Variants in GCNT2 observed in about 807,000 individuals in gnomAD.
The protein encoded by GCNT2 is N-acetyllactosaminide beta-1,6-N-acetylglucosaminyl-transferase.
In GCNT2, 34 loss-of-function variants were observed where a neutral mutation model predicts 34.2. That is an observed-to-expected ratio of 1.00 (90% CI 0.76 to 1.32). The LOEUF (loss-of-function observed/expected upper bound fraction) is 1.32. Ranked by LOEUF, GCNT2 falls within the 40% of genes most tolerant of loss-of-function variation. GCNT2 has a pLI of 0.00. For missense variants in GCNT2, 584 were observed against 489.4 expected, an observed-to-expected ratio of 1.19 and a Z score of -1.82; for synonymous variants, 212 against 188.0, an observed-to-expected ratio of 1.13 and a Z score of -1.04.
Position 10,626,404 on chromosome 6 carries a change from C to G in GCNT2, c.1019-13C>G, listed in dbSNP as rs769588229. ...GCATGTTTTGACTCTGTTTCTTGTT[C>G]TTTCTTTTGCAGGCCACTATGTACA... On this transcript the variant is annotated splice_polypyrimidine_tract_variant and intron_variant, in intron 4 of 4. Coordinates refer to ENST00000495262, the MANE Select transcript of GCNT2 (RefSeq NM_145649.5). 3.1e-6 allele frequency: 5 copies of G among 1,600,260 alleles called. No homozygotes were observed. The highest frequency in any genetic ancestry group is 1.7e-4 in the Middle Eastern group (1 of 6,054).
chr6:10,628,561 A>G lies in GCNT2; in HGVS notation c.*1954A>G, dbSNP rs1766363088. The stretch of plus-strand genomic sequence containing the variant: ...ACTAAGGTGACCAGAGTGGGCTCCA[A>G]GCACAAACTGCCATTGGCTATAGAT... On this transcript the variant is annotated 3_prime_UTR_variant, in exon 5 of 5. Transcript: ENST00000495262. The G allele has an allele frequency of 6.6e-6, 1 of 152,252 alleles. No individual in the cohort carries two copies. The highest frequency in any genetic ancestry group is 6.5e-5 in the Admixed American group (1 of 15,282). The allele number at this position is 152,252 out of a possible 1,614,324, so 9.4% of individuals were successfully genotyped here. A position where few individuals can be genotyped will look rare whatever the true frequency, so the allele number is the denominator to read the frequency against.
intron 3 of GCNT2, chr6:10,557,270 GA>G: frequency 6.2e-7 from 1 of 1,612,584 alleles, no homozygotes. Flanking sequence ...ACGGGCTGTT[GA>G]TTTGCTCCAG....
At position 10,626,651 on chromosome 6, in the gene GCNT2, GA is replaced by G; in HGVS notation, c.*46del. 1 of 1,436,386 alleles carries G rather than the reference GA, an allele frequency of 7.0e-7. No homozygotes were observed. Among genetic ancestry groups the G allele is most frequent in the Non-Finnish European group, 9.8e-7 (1 of 1,018,644 alleles). The allele number at this position is 1,436,386 out of a possible 1,614,324, so 89.0% of individuals were successfully genotyped here. A position where few individuals can be genotyped will look rare whatever the true frequency, so the allele number is the denominator to read the frequency against. On this transcript the variant is annotated 3_prime_UTR_variant, in exon 5 of 5. Coordinates refer to ENST00000495262, the MANE Select transcript of GCNT2 (RefSeq NM_145649.5). ...ATGACTGAAGGGAAACTGCAGCTGG[GA>G]AGAGGAGCCTGTTTTTGTGAGAGAC...
intron 3 of GCNT2, among the ~76,000 whole-genome samples, chr6:10,582,329 T>C (rs1581441770): frequency 9.1e-6 from 1 of 109,966 alleles, no homozygotes; most frequent in Non-Finnish European, 1.6e-5. Flanking sequence ...TTAAATATAA[T>C]ATATACTATA....
At chr6:10,590,397 C>CAAA (rs35949177) in intron 3 of GCNT2, among the ~76,000 whole-genome samples, 2 of 112,906 alleles carry the variant, frequency 1.8e-5, no homozygotes, top group African/African-American at 6.4e-5. Context: ...GACTCTGTCT[C>CAAA]AAAAAAAAAA....
chr6:10,586,626 A>G (rs767496381), intron 3 of GCNT2: 1 of 1,614,178 alleles, frequency 6.2e-7, no homozygotes, highest in Non-Finnish European at 8.5e-7. Context: ...ATTTAAAGGG[A>G]AAAATATCAC....
intron 3 of GCNT2, among the ~76,000 whole-genome samples, chr6:10,598,197 G>C (rs538531949): frequency 2.0e-5 from 3 of 152,302 alleles, no homozygotes; most frequent in East Asian, 1.9e-4. Flanking sequence ...CTTAGGTTTT[G>C]TTTCCCTGCT....
chr6:10,586,373 G>A (rs1365896307), intron 3 of GCNT2: 11 of 1,614,102 alleles, frequency 6.8e-6, no homozygotes, highest in Non-Finnish European at 9.3e-6. Flanking sequence ...GTGTTCACGT[G>A]GATGAGAAAG....
intron 3 of GCNT2, among the ~76,000 whole-genome samples, chr6:10,598,969 A>G (rs536557689): frequency 1.7e-4 from 26 of 152,344 alleles, no homozygotes; most frequent in African/African-American, 5.3e-4. Context: ...GTAAGTGTAA[A>G]TAAGTGTTGT....
chr6:10,570,848 T>G (rs544962192), intron 3 of GCNT2, among the ~76,000 whole-genome samples: 1 of 152,310 alleles, frequency 6.6e-6, no homozygotes, highest in South Asian at 2.1e-4. Context: ...TCTCCCAGGA[T>G]TTTGGTCTGT....
intron 1 of GCNT2, among the ~76,000 whole-genome samples, chr6:10,525,107 G>C (rs1168576942): frequency 2.0e-5 from 3 of 152,170 alleles, no homozygotes; most frequent in South Asian, 2.1e-4. Flanking sequence ...TCTGTAGAAA[G>C]GAACCCCTTT....
At position 10,540,206 on chromosome 6, in the gene GCNT2, GTTC is replaced by G. The variant is rs1467770570; in HGVS notation, c.925+10376_925+10378del. On this transcript the variant is annotated intron_variant, in intron 3 of 4. Coordinates refer to ENST00000495262, the MANE Select transcript of GCNT2 (RefSeq NM_145649.5). ...GGCTGAAGAGGTTCCCTAGGGTATAGTTCTTCTTAGCAATGTCACCTGTCTGTA... is the reference window on the plus strand; with the variant it reads ...GGCTGAAGAGGTTCCCTAGGGTATAGTTCTTAGCAATGTCACCTGTCTGTA... Among the ~76,000 whole-genome samples the G allele has an allele frequency of 3.9e-5, 6 of 152,266 alleles. No individual in the cohort carries two copies. The South Asian group carries it at 8.3e-4, about 21-fold the overall frequency.
intron 4 of GCNT2, among the ~76,000 whole-genome samples, chr6:10,622,095 A>T (rs7765411): frequency 0.095 from 14,396 of 152,222 alleles, 1,088 homozygotes; most frequent in African/African-American, 0.21. Flanking sequence ...CTCTGGCATG[A>T]TGGATGGCAG....
chr6:10,607,182 A>G (rs1461776827), intron 3 of GCNT2, among the ~76,000 whole-genome samples: 1 of 152,102 alleles, frequency 6.6e-6, no homozygotes, highest in African/African-American at 2.4e-5. Context: ...TCTTGACCTC[A>G]GGTGATCTGC....
intron 3 of GCNT2, among the ~76,000 whole-genome samples, chr6:10,593,545 C>G (rs1195188577): frequency 6.6e-6 from 1 of 151,942 alleles, no homozygotes; most frequent in East Asian, 1.9e-4. Flanking sequence ...GATATGTTGC[C>G]CAGGCTGGTC....
rs767054576 is a variant in GCNT2 at position 10,529,863 on chromosome 6, T to C, written c.925+27T>C. The C allele has an allele frequency of 1.9e-6, 3 of 1,551,112 alleles. No homozygotes were observed. The Admixed American group carries it at 5.0e-5, about 26-fold the overall frequency. ...TATGTACGTCTCTTAACTTTTATTT[T>C]TACGAATAAACACTGCATGGTCAAT... On this transcript the variant is annotated intron_variant, in intron 3 of 4. Coordinates refer to ENST00000495262, the MANE Select transcript of GCNT2 (RefSeq NM_145649.5).
At chr6:10,571,329 T>A (rs890211305) in intron 3 of GCNT2, among the ~76,000 whole-genome samples, 1 of 149,986 alleles carries the variant, frequency 6.7e-6, no homozygotes, top group African/African-American at 2.4e-5. Flanking sequence ...GAAATTATGA[T>A]GATGATCATG....
At chr6:10,550,725 C>G (rs552972338) in intron 3 of GCNT2, among the ~76,000 whole-genome samples, 1 of 152,186 alleles carries the variant, frequency 6.6e-6, no homozygotes, top group East Asian at 1.9e-4. Flanking sequence ...TCAAGTAATC[C>G]TCTCCCTCGG....
chr6:10,601,963 A>T (rs1765109939), intron 3 of GCNT2, among the ~76,000 whole-genome samples: 1 of 150,670 alleles, frequency 6.6e-6, no homozygotes, highest in Admixed American at 6.6e-5. Context: ...AAAAAAAACA[A>T]AAAAAACACT....
Sources: gnomAD v4.1 joint callset for allele counts (sites outside exome capture counted in the v4.1 genomes callset) on GRCh38, gnomAD v4.1.1 for gene constraint, MANE v1.5 for transcripts, NCBI Gene and HGNC (gene_info 2026-07-23, HGNC 2026-07-21) for gene names.